The following ST6GALNAC3 variants were observed in gnomAD, a reference collection of about 807,000 sequenced individuals.
The protein encoded by ST6GALNAC3 is ST6 N-acetylgalactosaminide alpha-2,6-sialyltransferase 3.
A neutral mutation model predicts 32.7 loss-of-function variants in ST6GALNAC3; 25 were observed. That is an observed-to-expected ratio of 0.76 (90% CI 0.56 to 1.07). ST6GALNAC3 has a LOEUF of 1.07. Ranked by LOEUF, ST6GALNAC3 falls within the 50% of genes least tolerant of loss-of-function variation. ST6GALNAC3 has a pLI of 0.00. For synonymous variants in ST6GALNAC3, 129 were observed against 133.1 expected (o/e 0.97, Z 0.21); for missense variants, 355 against 382.4 (o/e 0.93, Z 0.60).
intron 1 of ST6GALNAC3, among the ~76,000 whole-genome samples, chr1:76,293,213 A>G (rs965812129): frequency 4.7e-4 from 71 of 152,284 alleles, no homozygotes; most frequent in African/African-American, 1.7e-3. Flanking sequence ...TGCTTAACCA[A>G]TCTTTCTACC....
intron 3 of ST6GALNAC3, among the ~76,000 whole-genome samples, chr1:76,452,130 A>G (rs1657450480): frequency 6.6e-6 from 1 of 152,026 alleles, no homozygotes; most frequent in South Asian, 2.1e-4. Context: ...TGTGGGAGGG[A>G]CATGATGGGA....
intron 2 of ST6GALNAC3, among the ~76,000 whole-genome samples, chr1:76,354,901 G>A (rs1247132479): frequency 6.6e-6 from 1 of 152,120 alleles, no homozygotes; most frequent in Non-Finnish European, 1.5e-5. Context: ...GACTGTTTTG[G>A]TAAGCTTTTA....
chr1:76,580,128 C>T (rs370897424), intron 3 of ST6GALNAC3, among the ~76,000 whole-genome samples: 4 of 152,098 alleles, frequency 2.6e-5, no homozygotes, highest in East Asian at 1.9e-4. Context: ...CAGTATCCCT[C>T]GGTACTCAAT....
chr1:76,583,670 CT>C (rs769637354), intron 3 of ST6GALNAC3, among the ~76,000 whole-genome samples: 1 of 152,122 alleles, frequency 6.6e-6, no homozygotes, highest in Admixed American at 6.6e-5. Flanking sequence ...AGGAACTCAT[CT>C]TTACAGGAAC....
At chr1:76,566,499 T>C (rs1467240175) in intron 3 of ST6GALNAC3, among the ~76,000 whole-genome samples, 2 of 152,062 alleles carry the variant, frequency 1.3e-5, no homozygotes, top group East Asian at 3.9e-4. Flanking sequence ...GTCCCTCTGC[T>C]CCAACCACAC....
chr1:76,524,568 T>A (rs2101800929), intron 3 of ST6GALNAC3, among the ~76,000 whole-genome samples: 1 of 152,250 alleles, frequency 6.6e-6, no homozygotes, highest in East Asian at 1.9e-4. Context: ...GTATTCATCA[T>A]TTATTTATTA....
chr1:76,201,565 A>T (rs1051837153), intron 1 of ST6GALNAC3, among the ~76,000 whole-genome samples: 9 of 152,184 alleles, frequency 5.9e-5, no homozygotes, highest in African/African-American at 1.9e-4. Context: ...ACTGATGACA[A>T]CTGTTTGCAG....
chr1:76,425,984 A>G (rs1447493308), intron 3 of ST6GALNAC3, among the ~76,000 whole-genome samples: 1 of 151,936 alleles, frequency 6.6e-6, no homozygotes, highest in African/African-American at 2.4e-5. Flanking sequence ...ATGATAATAT[A>G]GACGATGAAT....
intron 1 of ST6GALNAC3, among the ~76,000 whole-genome samples, chr1:76,082,521 G>T (rs780962307): frequency 6.6e-6 from 1 of 152,160 alleles, no homozygotes; most frequent in Non-Finnish European, 1.5e-5. Context: ...CTAGGAAAAG[G>T]TTCAAATGAG....
At chr1:76,387,277 AG>A (rs1652171073) in intron 2 of ST6GALNAC3, among the ~76,000 whole-genome samples, 1 of 152,138 alleles carries the variant, frequency 6.6e-6, no homozygotes. Context: ...CCCTGAGGAC[AG>A]GGACTTTGTC....
chr1:76,390,946 A>ATTTTTTTTTTTTTTTT (rs58114434), intron 2 of ST6GALNAC3, among the ~76,000 whole-genome samples: 1 of 120,984 alleles, frequency 8.3e-6, no homozygotes, highest in Non-Finnish European at 1.9e-5. Context: ...ATATATATGT[A>ATTTTTTTTTTTTTTTT]TTTTTTTTTT....
intron 1 of ST6GALNAC3, among the ~76,000 whole-genome samples, chr1:76,189,247 T>G (rs1323925745): frequency 6.6e-6 from 1 of 152,238 alleles, no homozygotes; most frequent in Non-Finnish European, 1.5e-5. Flanking sequence ...CTCATATTCA[T>G]GCAAGTAAGT....
chr1:76,561,501 G>C (rs994521355), intron 3 of ST6GALNAC3, among the ~76,000 whole-genome samples: 3 of 151,934 alleles, frequency 2.0e-5, no homozygotes, highest in African/African-American at 7.3e-5. Flanking sequence ...ATATATAAAT[G>C]GCCAATAAAT....
chr1:76,184,523 A>ACT (rs771768330), intron 1 of ST6GALNAC3, among the ~76,000 whole-genome samples: 2 of 99,452 alleles, frequency 2.0e-5, no homozygotes, highest in Non-Finnish European at 4.4e-5. Flanking sequence ...TGGGCAGCAC[A>ACT]CACACACACA....
chr1:76,217,113 A>C (rs1311431983), intron 1 of ST6GALNAC3, among the ~76,000 whole-genome samples: 1 of 152,242 alleles, frequency 6.6e-6, no homozygotes, highest in Non-Finnish European at 1.5e-5. Flanking sequence ...TTTTGAAATC[A>C]TAATAGTACC....
chr1:76,350,964 A>G (rs1648927428), intron 2 of ST6GALNAC3, among the ~76,000 whole-genome samples: 1 of 152,284 alleles, frequency 6.6e-6, no homozygotes, highest in African/African-American at 2.4e-5. Flanking sequence ...CTCCTTGCTT[A>G]TGTGACTAAG....
Position 76,629,291 on chromosome 1 carries a change from A to G in ST6GALNAC3, c.*485A>G, listed in dbSNP as rs2100734033. The G allele has an allele frequency of 1.0e-6, 1 of 987,884 alleles. No individual in the cohort carries two copies. The highest frequency in any genetic ancestry group is 1.2e-6 in the Non-Finnish European group (1 of 831,804). The allele number at this position is 987,884 out of a possible 1,614,324, so 61.2% of individuals were successfully genotyped here. A position where few individuals can be genotyped will look rare whatever the true frequency, so the allele number is the denominator to read the frequency against. On this transcript the variant is annotated 3_prime_UTR_variant, in exon 5 of 5. Coordinates refer to ENST00000328299, the MANE Select transcript of ST6GALNAC3 (RefSeq NM_152996.4). Reference sequence around the variant, plus strand: ...CAAGAACTGCTATCAGGGTGCAAGTATCTTACTACTTAGCCTAAGGATGGG... The same window carrying G: ...CAAGAACTGCTATCAGGGTGCAAGTGTCTTACTACTTAGCCTAAGGATGGG...
intron 1 of ST6GALNAC3, among the ~76,000 whole-genome samples, chr1:76,130,429 A>G (rs1316209894): frequency 6.6e-6 from 1 of 152,070 alleles, no homozygotes; most frequent in Non-Finnish European, 1.5e-5. Flanking sequence ...GACTCCATCA[A>G]CTCATTTTGC....
chr1:76,138,207 A>G (rs1424635384), intron 1 of ST6GALNAC3, among the ~76,000 whole-genome samples: 1 of 152,192 alleles, frequency 6.6e-6, no homozygotes, highest in African/African-American at 2.4e-5. Flanking sequence ...TTTGATAAAC[A>G]TGAGAATAGG....
Sources: allele counts gnomAD v4.1 joint callset (sites outside exome capture counted in the v4.1 genomes callset), GRCh38; gene constraint gnomAD v4.1.1; transcripts MANE v1.5; gene names NCBI Gene and HGNC (gene_info 2026-07-23, HGNC 2026-07-21).